The following RPS6KA2 variants were observed in gnomAD, a reference collection of about 807,000 sequenced individuals.
The protein encoded by RPS6KA2 is ribosomal protein S6 kinase A2.
Under a neutral mutation model 91.8 loss-of-function variants are expected in RPS6KA2, and 42 were observed. The ratio of observed to expected loss-of-function variants is 0.46; its 90% CI spans 0.36 to 0.59. The LOEUF is 0.59. Among genes scored for constraint, RPS6KA2 ranks in the 20% least tolerant of loss-of-function variants. The pLI, the probability that RPS6KA2 is intolerant of heterozygous loss-of-function variation, is 0.00. For synonymous variants in RPS6KA2, 414 were observed against 393.6 expected, an observed-to-expected ratio of 1.05 and a Z score of -0.61; for missense variants, 798 against 978.5, an observed-to-expected ratio of 0.82 and a Z score of 2.46.
intron 2 of RPS6KA2, among the ~76,000 whole-genome samples, chr6:166,791,816 A>G (rs542677025): frequency 1.6e-4 from 24 of 149,784 alleles, no homozygotes; most frequent in Admixed American, 3.3e-4. Flanking sequence ...TCTGAAACCA[A>G]CGAGAACAAA....
At chr6:166,695,344 C>T (rs73261012) in intron 2 of RPS6KA2, among the ~76,000 whole-genome samples, 7,845 of 152,206 alleles carry the variant, frequency 0.052, 663 homozygotes, top group African/African-American at 0.18. Flanking sequence ...AGGAGCAAAC[C>T]CGGAGCCAGA....
chr6:166,475,694 G>A (rs1411101056), intron 10 of RPS6KA2: 9 of 490,412 alleles, frequency 1.8e-5, no homozygotes, highest in African/African-American at 7.9e-5. Context: ...GATCACACAC[G>A]AAGGCAGGGG....
upstream of RPS6KA2, among the ~76,000 whole-genome samples, chr6:166,630,929 G>A (rs1340370967): frequency 6.6e-6 from 1 of 152,352 alleles, no homozygotes; most frequent in African/African-American, 2.4e-5. Context: ...TCAGGTGGGG[G>A]CACGTTCGGA....
chr6:166,841,536 A>C (rs1367679884), intron 2 of RPS6KA2, among the ~76,000 whole-genome samples: 2 of 152,232 alleles, frequency 1.3e-5, no homozygotes, highest in African/African-American at 4.8e-5. Flanking sequence ...CAAGAACAAA[A>C]ACTTAATTGC....
At position 166,666,264 on chromosome 6, in the gene RPS6KA2, AG is replaced by A. The variant is rs1416229956; in HGVS notation, c.124-127481del. The stretch of plus-strand genomic sequence containing the variant: ...GGGACTGGCATCTTCCCAGCAAAGT[AG>A]GGGGCAAGGGAGCACTCTGTAAAAG... On this transcript the variant is annotated intron_variant, in intron 2 of 21. Coordinates refer to the RPS6KA2 transcript ENST00000503859. This position sits in a 1 kb window ranked among gnomAD's most constrained non-coding sequence, Gnocchi z 4.0. 3.3e-5 allele frequency among the ~76,000 whole-genome samples: 5 copies of A among 152,150 alleles called. No homozygotes were observed. The highest frequency in any genetic ancestry group is 6.5e-5 in the Admixed American group (1 of 15,286).
rs1388357513 is a variant in RPS6KA2 at position 166,852,320 on chromosome 6, G to C, written c.123+5880C>G. On this transcript the variant is annotated intron_variant, in intron 2 of 21. Transcript: ENST00000503859. This position sits in a 1 kb window ranked among gnomAD's most constrained non-coding sequence, Gnocchi z 4.1. The stretch of plus-strand genomic sequence containing the variant: ...TATCAATCTTCTTTCAAATCTACTA[G>C]TGATTTCTTGTAAACAGTAATTGCA... 6.6e-6 allele frequency among the ~76,000 whole-genome samples: 1 copy of C among 152,168 alleles called. No individual in the cohort carries two copies. Among genetic ancestry groups the C allele is most frequent in the Admixed American group, 6.5e-5 (1 of 15,284 alleles).
intron 13 of RPS6KA2, among the ~76,000 whole-genome samples, chr6:166,450,098 C>T (rs1779831548): frequency 6.7e-6 from 1 of 149,320 alleles, no homozygotes; most frequent in Non-Finnish European, 1.5e-5. Flanking sequence ...GGGGAACCAC[C>T]ATGGGGACCA....
At chr6:166,429,482 G>C (rs1220825128) in intron 16 of RPS6KA2, among the ~76,000 whole-genome samples, 2 of 152,086 alleles carry the variant, frequency 1.3e-5, no homozygotes, top group Non-Finnish European at 2.9e-5. Context: ...ACAGAGTTTT[G>C]CTCTGTCGCC....
rs558470292 is a variant in RPS6KA2 at position 166,500,165 on chromosome 6, G to A, written c.604+722C>T. 3.1e-4 allele frequency among the ~76,000 whole-genome samples: 47 copies of A among 152,334 alleles called. No individual in the cohort carries two copies. Among genetic ancestry groups the A allele is most frequent in the African/African-American group, 1.1e-3 (46 of 41,568 alleles). Reference sequence around the variant, plus strand: ...AGTCTCCTCTAGAGGCCCCCAAAAGGCAGGCAGCCCTGCTGACACCTTGAT... The same window carrying A: ...AGTCTCCTCTAGAGGCCCCCAAAAGACAGGCAGCCCTGCTGACACCTTGAT... On this transcript the variant is annotated intron_variant, in intron 7 of 20. Transcript: ENST00000265678. The surrounding 1 kb of genome is among the most constrained non-coding windows in gnomAD (Gnocchi z 4.3).
rs2072644 is a variant in RPS6KA2 at position 166,777,092 on chromosome 6, G to A, written c.123+81108C>T. ...TGCTGGAGATACAGGGAAGGAGGAT[G>A]GGGCGGCTGTGAGGTGAAGAGCTGG... is the stretch of plus-strand genomic sequence containing the variant. On this transcript the variant is annotated intron_variant, in intron 2 of 21. Coordinates refer to the RPS6KA2 transcript ENST00000503859. Among the ~76,000 whole-genome samples, 4,788 of 152,234 alleles carry A rather than the reference G, an allele frequency of 0.031. 464 individuals are homozygous for A. The East Asian group carries it at 0.37, about 12-fold the overall frequency.
At chr6:166,698,215 T>C (rs1789409503) in intron 2 of RPS6KA2, among the ~76,000 whole-genome samples, 2 of 152,182 alleles carry the variant, frequency 1.3e-5, no homozygotes, top group Admixed American at 6.5e-5. Context: ...TTTCCTGGTA[T>C]GTGTAGCAGG....
intron 2 of RPS6KA2, among the ~76,000 whole-genome samples, chr6:166,776,444 T>C (rs1254591677): frequency 6.6e-6 from 1 of 152,178 alleles, no homozygotes; most frequent in African/African-American, 2.4e-5. Flanking sequence ...CGAGGTGAAT[T>C]TCACACAACA....
rs1032537276 is a variant in RPS6KA2 at position 166,852,726 on chromosome 6, T to C, written c.123+5474A>G. Among the ~76,000 whole-genome samples the C allele has an allele frequency of 5.3e-5, 8 of 152,072 alleles. No individual in the cohort carries two copies. The highest frequency in any genetic ancestry group is 1.3e-4 in the Admixed American group (2 of 15,280). On this transcript the variant is annotated intron_variant, in intron 2 of 21. Coordinates refer to the RPS6KA2 transcript ENST00000503859. The surrounding 1 kb of genome is among the most constrained non-coding windows in gnomAD (Gnocchi z 4.1). The stretch of plus-strand genomic sequence containing the variant: ...CCACGCTGACACGCTCAGGAGCTCA[T>C]CCCTGAGCGCCCACAGGCCCCTGGA...
chr6:166,523,227 C>T (rs772440587), intron 3 of RPS6KA2, among the ~76,000 whole-genome samples: 3 of 152,140 alleles, frequency 2.0e-5, no homozygotes, highest in East Asian at 3.8e-4. Context: ...AGAGTGAGAT[C>T]GTACCTTACA....
At position 166,652,983 on chromosome 6, in the gene RPS6KA2, A is replaced by G. The variant is rs111492756; in HGVS notation, c.124-114199T>C. ...ATTTGCCAGGGCACCCACTGTGGAC[A>G]CTCTGCCTTCCCAGGGTAGCCCCGG... On this transcript the variant is annotated intron_variant, in intron 2 of 21. Coordinates refer to the RPS6KA2 transcript ENST00000503859. Among the ~76,000 whole-genome samples the G allele has an allele frequency of 8.5e-3, 1,296 of 152,134 alleles. 25 individuals are homozygous for G. The highest frequency in any genetic ancestry group is 0.064 in the South Asian group (308 of 4,814).
At chr6:166,600,953 T>C (rs1785710350) in intron 1 of RPS6KA2, among the ~76,000 whole-genome samples, 1 of 152,260 alleles carries the variant, frequency 6.6e-6, no homozygotes, top group Non-Finnish European at 1.5e-5. Context: ...ATTAAAATAC[T>C]CTGCATATCC....
At chr6:166,710,481 TGTGA>T (rs1160496519) in intron 2 of RPS6KA2, among the ~76,000 whole-genome samples, 6 of 29,364 alleles carry the variant, frequency 2.0e-4, no homozygotes, top group African/African-American at 4.9e-4. Flanking sequence ...GTATGTGTTG[TGTGA>T]GTGTGTGTGT....
At chr6:166,827,365 C>G (rs534380410) in intron 2 of RPS6KA2, among the ~76,000 whole-genome samples, 3 of 150,528 alleles carry the variant, frequency 2.0e-5, no homozygotes, top group Admixed American at 2.0e-4. Context: ...GTGTATATAT[C>G]TACAATGGAA....
chr6:166,694,515 C>G (rs997327143), intron 2 of RPS6KA2, among the ~76,000 whole-genome samples: 2 of 152,226 alleles, frequency 1.3e-5, no homozygotes, highest in Non-Finnish European at 2.9e-5. Flanking sequence ...CTGCGAAGAA[C>G]AAAGCCTGGC....
Sources: allele counts gnomAD v4.1 joint callset (sites outside exome capture counted in the v4.1 genomes callset), GRCh38; gene constraint gnomAD v4.1.1; non-coding constraint Gnocchi (gnomAD v3.1); transcripts MANE v1.5; gene names NCBI Gene and HGNC (gene_info 2026-07-23, HGNC 2026-07-21).